Variants in SEMA5A observed in about 807,000 individuals in gnomAD.
SEMA5A encodes semaphorin-5A.
A neutral mutation model predicts 135.5 loss-of-function variants in SEMA5A; 55 were observed. That is an observed-to-expected ratio of 0.41 (90% CI 0.33 to 0.51). The LOEUF is 0.51. SEMA5A is among the 20% of genes least tolerant of loss of function. SEMA5A has a pLI of 0.37. For synonymous variants in SEMA5A, 580 were observed against 546.5 expected (o/e 1.06, Z -0.85); for missense variants, 1,290 against 1,419.9 (o/e 0.91, Z 1.47).
chr5:9,481,940 T>C (rs1221196141), intron 1 of SEMA5A, among the ~76,000 whole-genome samples: 1 of 152,218 alleles, frequency 6.6e-6, no homozygotes, highest in Non-Finnish European at 1.5e-5. Context: ...AGATCCCCAA[T>C]GAGAGCACAA....
chr5:9,168,605 C>G (rs1465827692), intron 11 of SEMA5A, among the ~76,000 whole-genome samples: 1 of 152,186 alleles, frequency 6.6e-6, no homozygotes, highest in Non-Finnish European at 1.5e-5. Context: ...AAAACTGCTA[C>G]AGGAAAAAAC....
intron 3 of SEMA5A, among the ~76,000 whole-genome samples, chr5:9,338,045 A>G (rs1432019775): frequency 2.6e-5 from 4 of 152,260 alleles, no homozygotes; most frequent in East Asian, 1.9e-4. Flanking sequence ...CGAGGCATCA[A>G]TGCTTGGTTG....
At chr5:9,470,003 G>A (rs1455587828) in intron 1 of SEMA5A, among the ~76,000 whole-genome samples, 1 of 152,148 alleles carries the variant, frequency 6.6e-6, no homozygotes, top group East Asian at 1.9e-4. Context: ...AAAAGAGGGG[G>A]AATTAAAAGA....
Position 9,044,563 on chromosome 5 carries a change from A to G in SEMA5A, c.2915T>C (p.Ile972Thr). 1 of 1,614,072 alleles carries G rather than the reference A, an allele frequency of 6.2e-7. No homozygotes were observed. Among genetic ancestry groups the G allele is most frequent in the Non-Finnish European group, 8.5e-7 (1 of 1,180,012 alleles). Reference sequence around the variant, plus strand: ...GATGGAGCTGCTCAGCCCCACGGCGATCATGTGGAACATGTTGAACTCTAG... The same window carrying G: ...GATGGAGCTGCTCAGCCCCACGGCGGTCATGTGGAACATGTTGAACTCTAG... ...RCGEFNMFHMIAVGLSSSILG... is the reference protein window; with the variant it reads ...RCGEFNMFHMTAVGLSSSILG... Residue 972 changes from isoleucine to threonine, a missense_variant, in exon 22 of 23, where the codon ATC becomes ACC. Ile to Thr is a moderately conservative substitution (Grantham distance 89). Coordinates refer to ENST00000382496, the MANE Select transcript of SEMA5A (RefSeq NM_003966.3).
At chr5:9,121,450 C>T (rs963827524) in intron 14 of SEMA5A, among the ~76,000 whole-genome samples, 3 of 152,194 alleles carry the variant, frequency 2.0e-5, no homozygotes, top group Admixed American at 1.3e-4. Context: ...TAGAAAATGA[C>T]TTTCCAACTA....
At chr5:9,513,721 G>A (rs771009390) in intron 1 of SEMA5A, among the ~76,000 whole-genome samples, 4 of 152,076 alleles carry the variant, frequency 2.6e-5, no homozygotes, top group African/African-American at 9.7e-5. Context: ...CCCCAGAGTC[G>A]ACTTCAGAAT....
At chr5:9,304,588 A>G (rs1751772049) in intron 5 of SEMA5A, among the ~76,000 whole-genome samples, 1 of 152,156 alleles carries the variant, frequency 6.6e-6, no homozygotes, top group South Asian at 2.1e-4. Flanking sequence ...TCAACTCTTT[A>G]ACTGGTTTAT....
chr5:9,163,837 G>C (rs1317209069), intron 11 of SEMA5A, among the ~76,000 whole-genome samples: 7 of 151,824 alleles, frequency 4.6e-5, no homozygotes, highest in African/African-American at 1.7e-4. Context: ...AAGCCAGGAG[G>C]AGAGGCCTCA....
At chr5:9,357,846 G>A (rs552286605) in intron 3 of SEMA5A, among the ~76,000 whole-genome samples, 1 of 152,298 alleles carries the variant, frequency 6.6e-6, no homozygotes, top group South Asian at 2.1e-4. Flanking sequence ...TTAGCTCCAC[G>A]TCATGTCGTA....
intron 2 of SEMA5A, among the ~76,000 whole-genome samples, chr5:9,433,798 A>C (rs1437745975): frequency 6.6e-6 from 1 of 152,324 alleles, no homozygotes; most frequent in East Asian, 1.9e-4. Flanking sequence ...TTGTTTTAGC[A>C]AAATAAATTC....
intron 1 of SEMA5A, among the ~76,000 whole-genome samples, chr5:9,443,438 C>T (rs1472580885): frequency 6.6e-6 from 1 of 152,136 alleles, no homozygotes; most frequent in African/African-American, 2.4e-5. Flanking sequence ...TGAAATGGTG[C>T]AGCCAACTGA....
At chr5:9,514,181 G>A (rs55752444) in intron 1 of SEMA5A, among the ~76,000 whole-genome samples, 8,935 of 152,090 alleles carry the variant, frequency 0.059, 353 homozygotes, top group South Asian at 0.095. Context: ...TCTTCACATC[G>A]CCTTTTCCTC....
intron 11 of SEMA5A, among the ~76,000 whole-genome samples, chr5:9,166,397 T>C (rs201252673): frequency 1.3e-5 from 2 of 152,174 alleles, no homozygotes; most frequent in Non-Finnish European, 2.9e-5. Context: ...TTCTCCCCAG[T>C]GCCCAGCTCA....
At chr5:9,509,216 G>T (rs189638189) in intron 1 of SEMA5A, among the ~76,000 whole-genome samples, 8 of 151,872 alleles carry the variant, frequency 5.3e-5, no homozygotes, top group African/African-American at 1.9e-4. Context: ...TCTATGGTCC[G>T]CTAAGTACCC....
At chr5:9,379,791 G>A (rs376604371) in intron 3 of SEMA5A, 32 bp downstream of exon 3, 52 of 1,601,678 alleles carry the variant, frequency 3.2e-5, no homozygotes, top group South Asian at 1.2e-4. Context: ...TTTAGATGAC[G>A]GCTTTGCAAT....
intron 11 of SEMA5A, among the ~76,000 whole-genome samples, chr5:9,155,219 G>C (rs899575): frequency 6.6e-6 from 1 of 151,884 alleles, no homozygotes; most frequent in African/African-American, 2.4e-5. Context: ...GTCTACATTA[G>C]CTCCTTCTTT....
chr5:9,124,533 T>C (rs1741000762), intron 13 of SEMA5A, among the ~76,000 whole-genome samples: 1 of 152,156 alleles, frequency 6.6e-6, no homozygotes, highest in Admixed American at 6.5e-5. Flanking sequence ...CTTGGCTCAC[T>C]GCAACCTCCA....
chr5:9,175,579 TC>T (rs1744159905), intron 11 of SEMA5A, among the ~76,000 whole-genome samples: 1 of 152,060 alleles, frequency 6.6e-6, no homozygotes. Context: ...CTTCCTTTTG[TC>T]CTTCTCTTCT....
chr5:9,441,072 C>G (rs1328769238), intron 1 of SEMA5A, among the ~76,000 whole-genome samples: 1 of 152,202 alleles, frequency 6.6e-6, no homozygotes, highest in Non-Finnish European at 1.5e-5. Flanking sequence ...ATTGACAGGC[C>G]TCTCATCATC....
Sources: allele counts gnomAD v4.1 joint callset (sites outside exome capture counted in the v4.1 genomes callset), GRCh38; gene constraint gnomAD v4.1.1; transcripts MANE v1.5; gene names NCBI Gene and HGNC (gene_info 2026-07-23, HGNC 2026-07-21).